CCSER1: variants seen among roughly 807,000 people sequenced by gnomAD.
CCSER1 encodes serine-rich coiled-coil domain-containing protein 1.
CCSER1 carries 41 observed loss-of-function variants against 82.0 expected under a neutral mutation model. That is an observed-to-expected ratio of 0.50 (90% CI 0.39 to 0.65). CCSER1 has a LOEUF of 0.65. Ranked by LOEUF, CCSER1 falls within the 30% of genes least tolerant of loss-of-function variation. The probability of loss-of-function intolerance (pLI) is 0.00; values close to 1 mark genes in which losing one functional copy is unlikely to be tolerated. For missense variants in CCSER1, 1,119 were observed against 1,064.2 expected, an observed-to-expected ratio of 1.05 and a Z score of -0.72; for synonymous variants, 414 against 383.9, an observed-to-expected ratio of 1.08 and a Z score of -0.92.
intron 3 of CCSER1, among the ~76,000 whole-genome samples, chr4:90,365,545 C>T (rs1746140777): frequency 6.6e-6 from 1 of 151,674 alleles, no homozygotes; most frequent in African/African-American, 2.4e-5. Context: ...TCATGTGTGC[C>T]TGTCAGTTAA....
At chr4:91,130,736 G>A (rs1249001688) in intron 10 of CCSER1, among the ~76,000 whole-genome samples, 1 of 151,714 alleles carries the variant, frequency 6.6e-6, no homozygotes, top group Non-Finnish European at 1.5e-5. Flanking sequence ...CATATAGTGA[G>A]AGAAGTAATT....
At chr4:91,555,250 A>G (rs1485533727) in intron 10 of CCSER1, among the ~76,000 whole-genome samples, 1 of 151,096 alleles carries the variant, frequency 6.6e-6, no homozygotes, top group Non-Finnish European at 1.5e-5. Flanking sequence ...TACCAAATTC[A>G]GCTTCTTCAA....
intron 10 of CCSER1, among the ~76,000 whole-genome samples, chr4:91,209,268 A>G (rs1364437597): frequency 6.6e-6 from 1 of 151,846 alleles, no homozygotes; most frequent in Non-Finnish European, 1.5e-5. Flanking sequence ...GAGTGGTGAG[A>G]GTGGGCATCC....
intron 7 of CCSER1, among the ~76,000 whole-genome samples, chr4:90,784,033 C>T (rs1234277425): frequency 6.6e-6 from 1 of 152,080 alleles, no homozygotes; most frequent in African/African-American, 2.4e-5. Context: ...GTCAGAATCA[C>T]AGAATTTTTG....
intron 5 of CCSER1, among the ~76,000 whole-genome samples, chr4:90,565,146 TTTCAA>T (rs2153650196): frequency 6.6e-6 from 1 of 152,106 alleles, no homozygotes; most frequent in Non-Finnish European, 1.5e-5. Flanking sequence ...ATATTAATGC[TTTCAA>T]TTCATGAACA....
intron 9 of CCSER1, among the ~76,000 whole-genome samples, chr4:91,035,627 G>A (rs2150565321): frequency 1.3e-5 from 2 of 151,918 alleles, no homozygotes; most frequent in South Asian, 4.2e-4. Flanking sequence ...ATAAAACATG[G>A]CTTCTATCTT....
chr4:91,290,954 A>G (rs1578128971), intron 10 of CCSER1, among the ~76,000 whole-genome samples: 1 of 151,880 alleles, frequency 6.6e-6, no homozygotes, highest in East Asian at 1.9e-4. Context: ...TAATGAGCTA[A>G]CTAGTAAATT....
At chr4:91,120,840 C>A (rs1727021901) in intron 10 of CCSER1, among the ~76,000 whole-genome samples, 1 of 151,672 alleles carries the variant, frequency 6.6e-6, no homozygotes, top group East Asian at 1.9e-4. Context: ...TATCCAGAAA[C>A]TAACAAAATA....
intron 10 of CCSER1, among the ~76,000 whole-genome samples, chr4:91,267,252 GATTCA>G (rs1328289003): frequency 6.6e-6 from 1 of 152,110 alleles, no homozygotes; most frequent in African/African-American, 2.4e-5. Flanking sequence ...GTTTTAGAAT[GATTCA>G]ATTCATCTCT....
intron 10 of CCSER1, among the ~76,000 whole-genome samples, chr4:91,306,536 G>C (rs1380660926): frequency 6.6e-6 from 1 of 151,956 alleles, no homozygotes; most frequent in African/African-American, 2.4e-5. Flanking sequence ...AATAGTAAAA[G>C]TGTCATCTGT....
rs573494038 is a variant in CCSER1 at position 91,369,661 on chromosome 4, CTTTTTTTTTTTT to C, written c.2218-228894_2218-228883del. On this transcript the variant is annotated intron_variant, in intron 10 of 10. Transcript: ENST00000509176. ...GTCCCAGGTCCAAATTAATCTGTAG[CTTTTTTTTTTTT>C]TTTTTTTTTTTTTTTTGACAGTCTC... is the stretch of plus-strand genomic sequence containing the variant. Among the ~76,000 whole-genome samples, 10 of 73,418 alleles carry C rather than the reference CTTTTTTTTTTTT, an allele frequency of 1.4e-4. No homozygotes were observed. The South Asian group carries it at 2.8e-3, about 21-fold the overall frequency. 48.2% of individuals were successfully genotyped at this position (73,418 alleles called of 152,430 possible). A position where few individuals can be genotyped will look rare whatever the true frequency, so the allele number is the denominator to read the frequency against.
chr4:90,409,924 G>A (rs1348948907), intron 4 of CCSER1, among the ~76,000 whole-genome samples: 2 of 152,088 alleles, frequency 1.3e-5, no homozygotes, highest in South Asian at 2.1e-4. Flanking sequence ...CAAAATAAAG[G>A]GATGGAGGAA....
chr4:90,739,451 C>T (rs1746177211), intron 7 of CCSER1, among the ~76,000 whole-genome samples: 1 of 152,200 alleles, frequency 6.6e-6, no homozygotes, highest in Non-Finnish European at 1.5e-5. Flanking sequence ...GATGCAGAAA[C>T]TCCCTTGGCT....
At chr4:91,597,843 T>C (rs1323159848) in intron 10 of CCSER1, among the ~76,000 whole-genome samples, 1 of 152,134 alleles carries the variant, frequency 6.6e-6, no homozygotes, top group Non-Finnish European at 1.5e-5. Flanking sequence ...TAGTGCTCTC[T>C]TCAGGAGGAA....
intron 5 of CCSER1, among the ~76,000 whole-genome samples, chr4:90,496,985 A>AG (rs1769124319): frequency 1.3e-5 from 2 of 151,384 alleles, no homozygotes; most frequent in African/African-American, 2.4e-5. Context: ...AAAAAAAAAA[A>AG]AAAAAAAAGA....
At chr4:90,360,579 CAAAAAA>C (rs61140876) in intron 3 of CCSER1, among the ~76,000 whole-genome samples, 6 of 75,952 alleles carry the variant, frequency 7.9e-5, no homozygotes, top group African/African-American at 2.9e-4. Context: ...GACTCCGTCT[CAAAAAA>C]AAAAAAAAAA....
chr4:90,210,249 G>A (rs1041935188), intron 1 of CCSER1, among the ~76,000 whole-genome samples: 1 of 152,060 alleles, frequency 6.6e-6, no homozygotes, highest in African/African-American at 2.4e-5. Context: ...AGTTTACACT[G>A]TTTAAAAGAA....
At chr4:90,654,054 T>C (rs1331337214) in intron 6 of CCSER1, among the ~76,000 whole-genome samples, 1 of 152,096 alleles carries the variant, frequency 6.6e-6, no homozygotes, top group Non-Finnish European at 1.5e-5. Flanking sequence ...TCACTCATTA[T>C]CACAGGAACA....
chr4:90,194,601 G>T (rs1384144068), intron 1 of CCSER1, among the ~76,000 whole-genome samples: 2 of 151,976 alleles, frequency 1.3e-5, no homozygotes, highest in African/African-American at 4.8e-5. Context: ...ATTTGGCCAT[G>T]TAAATATAAA....
Sources: gnomAD v4.1 joint callset for allele counts (sites outside exome capture counted in the v4.1 genomes callset) on GRCh38, gnomAD v4.1.1 for gene constraint, MANE v1.5 for transcripts, NCBI Gene and HGNC (gene_info 2026-07-23, HGNC 2026-07-21) for gene names.